SHB: variants seen among roughly 807,000 people sequenced by gnomAD.
SHB encodes the protein SH2 domain-containing adapter protein B.
In SHB, 20 loss-of-function variants were observed where a neutral mutation model predicts 52.3. The ratio of observed to expected loss-of-function variants is 0.38; its 90% confidence interval spans 0.27 to 0.56. The LOEUF is 0.56. Among genes scored for constraint, SHB ranks in the 20% least tolerant of loss-of-function variants. The pLI is 0.71. For missense variants in SHB, 825 were observed against 723.3 expected (o/e 1.14, Z -1.61); for synonymous variants, 397 against 316.5 (o/e 1.25, Z -2.70).
At chr9:37,927,182 T>C (rs1439117369) in intron 5 of SHB, among the ~76,000 whole-genome samples, 1 of 152,194 alleles carries the variant, frequency 6.6e-6, no homozygotes, top group East Asian at 1.9e-4. Flanking sequence ...GTCTGAGGCG[T>C]GGGGCAGGGG....
At chr9:38,067,841 A>C (rs1451022949) in intron 1 of SHB, 88 bp downstream of exon 1, 5 of 1,323,478 alleles carry the variant, frequency 3.8e-6, no homozygotes, top group Non-Finnish European at 3.9e-6. Flanking sequence ...GCTGAAGTAG[A>C]GACTCAACAC....
chr9:37,930,076 TG>T (rs1177456832), intron 5 of SHB, among the ~76,000 whole-genome samples: 2 of 152,214 alleles, frequency 1.3e-5, no homozygotes, highest in Non-Finnish European at 2.9e-5. Flanking sequence ...CAGTCCAGCC[TG>T]GGCGACAGAG....
At chr9:38,042,228 A>G (rs73646137) in intron 1 of SHB, among the ~76,000 whole-genome samples, 21,230 of 152,190 alleles carry the variant, frequency 0.14, 3,224 homozygotes, top group African/African-American at 0.37. Flanking sequence ...TTGCTGCAAC[A>G]AAGCAAGGCA....
intron 3 of SHB, among the ~76,000 whole-genome samples, chr9:37,959,487 G>C (rs755454644): frequency 2.0e-5 from 3 of 152,176 alleles, no homozygotes; most frequent in Non-Finnish European, 4.4e-5. Flanking sequence ...AGGCTCAGGA[G>C]ACCGAGGGAC....
intron 2 of SHB, among the ~76,000 whole-genome samples, chr9:37,995,622 C>T (rs1820937887): frequency 6.6e-6 from 1 of 152,196 alleles, no homozygotes; most frequent in African/African-American, 2.4e-5. Flanking sequence ...AGCGGGGAGC[C>T]TCCTTCCTAG....
intron 2 of SHB, among the ~76,000 whole-genome samples, chr9:37,987,235 C>T (rs748662384): frequency 6.6e-6 from 1 of 152,214 alleles, no homozygotes; most frequent in Non-Finnish European, 1.5e-5. Context: ...GTCAATAGTG[C>T]AGTAATCACC....
intron 1 of SHB, among the ~76,000 whole-genome samples, chr9:38,055,814 C>T (rs529442177): frequency 5.9e-5 from 9 of 152,008 alleles, no homozygotes; most frequent in African/African-American, 1.9e-4. Flanking sequence ...GCCACATGGG[C>T]AGGGCAGACC....
intron 1 of SHB, among the ~76,000 whole-genome samples, chr9:38,047,081 CT>C (rs1821661082): frequency 6.6e-6 from 1 of 152,208 alleles, no homozygotes; most frequent in Non-Finnish European, 1.5e-5. Flanking sequence ...TCAGTGCCAG[CT>C]GTGGGGGATG....
Position 37,916,907 on chromosome 9 carries a change from C to A in SHB, c.*2914G>T, listed in dbSNP as rs185126376. 2.6e-5 allele frequency among the ~76,000 whole-genome samples: 4 copies of A among 152,212 alleles called. No individual in the cohort carries two copies. The highest frequency in any genetic ancestry group is 5.9e-5 in the Non-Finnish European group (4 of 68,016). ...TAATAAAGCCAGCAAAGAAGGGAGACACAGAAACAGCCGCTAGTGCTGGAG... is the reference window on the plus strand; with the variant it reads ...TAATAAAGCCAGCAAAGAAGGGAGAAACAGAAACAGCCGCTAGTGCTGGAG... On this transcript the variant is annotated 3_prime_UTR_variant, in exon 6 of 6. Coordinates refer to ENST00000377707, the MANE Select transcript of SHB (RefSeq NM_003028.3).
intron 2 of SHB, among the ~76,000 whole-genome samples, chr9:38,015,769 C>T (rs901545984): frequency 1.3e-5 from 2 of 152,248 alleles, no homozygotes; most frequent in Admixed American, 6.5e-5. Context: ...CTTTGGTTAA[C>T]TGCACGTGAT....
At chr9:38,047,905 G>A (rs1176527847) in intron 1 of SHB, among the ~76,000 whole-genome samples, 1 of 152,202 alleles carries the variant, frequency 6.6e-6, no homozygotes, top group East Asian at 1.9e-4. Flanking sequence ...AGTCCCGATC[G>A]AACACTAAGG....
chr9:37,920,501 C>A (rs146568726), intron 5 of SHB, among the ~76,000 whole-genome samples: 1 of 152,190 alleles, frequency 6.6e-6, no homozygotes, highest in Non-Finnish European at 1.5e-5. Flanking sequence ...AGTGATCTGT[C>A]CTTCCCTTTC....
chr9:37,922,178 C>T (rs530468949), intron 5 of SHB, among the ~76,000 whole-genome samples: 2 of 152,314 alleles, frequency 1.3e-5, no homozygotes, highest in South Asian at 2.1e-4. Flanking sequence ...CAGCCGCTGG[C>T]GGGAACTGAG....
chr9:38,026,101 G>T (rs886064642), intron 1 of SHB, among the ~76,000 whole-genome samples: 1 of 152,196 alleles, frequency 6.6e-6, no homozygotes, highest in Non-Finnish European at 1.5e-5. Context: ...TCACGGTAAC[G>T]TAAGGCTCTG....
At position 37,928,507 on chromosome 9, in the gene SHB, T is replaced by C. The variant is rs1037500171; in HGVS notation, c.1347-8503A>G. The stretch of plus-strand genomic sequence containing the variant: ...TTGGTACATAGGTGCTACTGGCATC[T>C]AAGTAAGAGGAGGCCAGGGACGCTG... On this transcript the variant is annotated intron_variant, in intron 5 of 5. Transcript: ENST00000377707. Among the ~76,000 whole-genome samples the C allele has an allele frequency of 1.1e-4, 17 of 152,302 alleles. 2 individuals carry two copies. Among genetic ancestry groups the C allele is most frequent in the Admixed American group, 1.0e-3 (16 of 15,306 alleles).
chr9:38,055,444 G>C (rs1477523583), intron 1 of SHB, among the ~76,000 whole-genome samples: 1 of 152,088 alleles, frequency 6.6e-6, no homozygotes, highest in East Asian at 1.9e-4. Flanking sequence ...CGAAAACGGT[G>C]GGGTGCAGAG....
chr9:37,964,882 T>C (rs544735778), intron 3 of SHB, among the ~76,000 whole-genome samples: 4 of 152,344 alleles, frequency 2.6e-5, no homozygotes, highest in South Asian at 2.1e-4. Flanking sequence ...TAAATCCAGA[T>C]ACCCCTGGCC....
chr9:37,928,800 A>G (rs1832279655), intron 5 of SHB, among the ~76,000 whole-genome samples: 1 of 152,212 alleles, frequency 6.6e-6, no homozygotes, highest in Non-Finnish European at 1.5e-5. Context: ...AATCTGCCAA[A>G]TGGCTTGGTT....
chr9:38,062,673 C>T (rs1020768514), intron 1 of SHB, among the ~76,000 whole-genome samples: 8 of 152,158 alleles, frequency 5.3e-5, no homozygotes, highest in Non-Finnish European at 7.3e-5. Context: ...CACCCCACCC[C>T]CAGTGACTGC....
Sources: gnomAD v4.1 joint callset for allele counts (sites outside exome capture counted in the v4.1 genomes callset) on GRCh38, gnomAD v4.1.1 for gene constraint, MANE v1.5 for transcripts, NCBI Gene and HGNC (gene_info 2026-07-23, HGNC 2026-07-21) for gene names.